THSD7B: variants seen among roughly 807,000 people sequenced by gnomAD.
The protein encoded by THSD7B is thrombospondin type 1 domain containing 7B.
In THSD7B, 138 loss-of-function variants were observed where a neutral mutation model predicts 213.6. The ratio of observed to expected loss-of-function variants is 0.65; its 90% CI spans 0.56 to 0.74. THSD7B has a LOEUF of 0.74. Ranked by LOEUF, THSD7B falls within the 30% of genes least tolerant of loss-of-function variation. The pLI is 0.00. For missense variants in THSD7B, 1,931 were observed against 1,991.5 expected (o/e 0.97, Z 0.58); for synonymous variants, 742 against 687.0 (o/e 1.08, Z -1.25).
rs536101233 is a variant in THSD7B, at chr2:137,418,079, G to C, written c.2959+6207G>C. ...TTCTATGTTTTCGTGTTGTGATTTTGCCTCTTTTGCTACTTTTGTTTGTTT... is the reference window on the plus strand; with the variant it reads ...TTCTATGTTTTCGTGTTGTGATTTTCCCTCTTTTGCTACTTTTGTTTGTTT... On this transcript the variant is annotated intron_variant, in intron 14 of 27. Coordinates refer to ENST00000409968, the MANE Select transcript of THSD7B (RefSeq NM_001316349.2). Among the ~76,000 whole-genome samples the C allele has an allele frequency of 8.5e-5, 13 of 152,268 alleles. 1 individual carries two copies. The highest frequency in any genetic ancestry group is 8.3e-4 in the South Asian group (4 of 4,824).
chr2:137,146,246 A>G (rs1173972865), intron 5 of THSD7B, among the ~76,000 whole-genome samples: 1 of 152,114 alleles, frequency 6.6e-6, no homozygotes, highest in Non-Finnish European at 1.5e-5. Context: ...TAAAAATATA[A>G]GCATATAGAT....
intron 14 of THSD7B, among the ~76,000 whole-genome samples, chr2:137,445,167 A>C (rs1257058184): frequency 6.6e-6 from 1 of 152,094 alleles, no homozygotes; most frequent in Non-Finnish European, 1.5e-5. Flanking sequence ...TAGGAATGCA[A>C]ATTAGTACAG....
chr2:137,411,093 C>T (rs1686641432), intron 13 of THSD7B, among the ~76,000 whole-genome samples: 1 of 152,234 alleles, frequency 6.6e-6, no homozygotes, highest in South Asian at 2.1e-4. Flanking sequence ...TCCAGTATGA[C>T]TTGATCATTT....
chr2:136,866,429 T>TA (rs1270630370), intron 1 of THSD7B, among the ~76,000 whole-genome samples: 5 of 152,144 alleles, frequency 3.3e-5, no homozygotes, highest in African/African-American at 1.2e-4. Context: ...TGAACTTTAA[T>TA]AAAAAATCAC....
intron 15 of THSD7B, 31 bp from the exon 16 acceptor site, chr2:137,563,190 C>T: frequency 1.2e-6 from 2 of 1,606,368 alleles, no homozygotes. Flanking sequence ...GATAGTTCCA[C>T]ATAATTTTGT....
chr2:137,289,707 T>G (rs1271779592), intron 12 of THSD7B, among the ~76,000 whole-genome samples: 1 of 151,850 alleles, frequency 6.6e-6, no homozygotes, highest in South Asian at 2.1e-4. Context: ...TTACAAAATA[T>G]TTGCCAAAGA....
chr2:137,200,412 TA>T (rs748372585), intron 7 of THSD7B, among the ~76,000 whole-genome samples: 2 of 143,184 alleles, frequency 1.4e-5, no homozygotes, highest in African/African-American at 2.5e-5. Flanking sequence ...TTCCCATTTT[TA>T]TTTCTTCTTG....
chr2:137,289,191 G>A lies in THSD7B; in HGVS notation c.2500+13165G>A, dbSNP rs144161797. Among the ~76,000 whole-genome samples the A allele has an allele frequency of 1.8e-3, 271 of 151,862 alleles. 3 individuals are homozygous for A. The highest frequency in any genetic ancestry group is 6.1e-3 in the African/African-American group (253 of 41,448). On this transcript the variant is annotated intron_variant, in intron 12 of 27. Coordinates refer to ENST00000409968, the MANE Select transcript of THSD7B (RefSeq NM_001316349.2). ...CATGTTTTTTTTAAAGTAAGTGAGTGGAAATTAGTGGAGAGATTCATTGTT... is the reference window on the plus strand; with the variant it reads ...CATGTTTTTTTTAAAGTAAGTGAGTAGAAATTAGTGGAGAGATTCATTGTT...
chr2:137,643,479 G>T (rs1682974779), intron 21 of THSD7B, among the ~76,000 whole-genome samples: 1 of 152,130 alleles, frequency 6.6e-6, no homozygotes, highest in Admixed American at 6.5e-5. Context: ...GGTCCCAGAG[G>T]AATAAAAATG....
chr2:136,782,525 G>C (rs544014369), intron 1 of THSD7B, among the ~76,000 whole-genome samples: 1 of 152,034 alleles, frequency 6.6e-6, no homozygotes, highest in Non-Finnish European at 1.5e-5. Flanking sequence ...TGTTCACCTG[G>C]TGCTTCTGCC....
intron 2 of THSD7B, among the ~76,000 whole-genome samples, chr2:136,900,166 G>A (rs908171062): frequency 1.3e-5 from 2 of 152,196 alleles, no homozygotes; most frequent in Non-Finnish European, 2.9e-5. Context: ...GCTGAGAATT[G>A]TGTATACCCT....
intron 9 of THSD7B, among the ~76,000 whole-genome samples, chr2:137,236,255 G>T: frequency 6.6e-6 from 1 of 152,170 alleles, no homozygotes; most frequent in Admixed American, 6.5e-5. Context: ...TCCATGGAAC[G>T]TGTGGTTCAA....
At chr2:137,181,171 G>A (rs1481720336) in intron 7 of THSD7B, among the ~76,000 whole-genome samples, 2 of 152,174 alleles carry the variant, frequency 1.3e-5, no homozygotes, top group African/African-American at 2.4e-5. Context: ...AGAATGGATT[G>A]GAAGGAGAGA....
chr2:137,663,285 A>G, intron 25 of THSD7B, 98 bp from the exon 26 acceptor site: 1 of 1,028,530 alleles, frequency 9.7e-7, no homozygotes, highest in South Asian at 3.1e-5. Flanking sequence ...CATTGCCATG[A>G]TGTATAGTGC....
chr2:137,103,502 C>T (rs576377664), intron 4 of THSD7B, among the ~76,000 whole-genome samples: 10 of 152,132 alleles, frequency 6.6e-5, no homozygotes, highest in Admixed American at 5.9e-4. Context: ...CAGCTAGCAT[C>T]ATAATGACAG....
intron 12 of THSD7B, among the ~76,000 whole-genome samples, chr2:137,326,665 A>G (rs1172107107): frequency 1.3e-5 from 2 of 152,188 alleles, no homozygotes; most frequent in African/African-American, 4.8e-5. Context: ...ATTCCAAAGT[A>G]TTGATTTCAT....
intron 10 of THSD7B, among the ~76,000 whole-genome samples, chr2:137,260,216 A>T (rs12619234): frequency 0.029 from 4,411 of 152,336 alleles, 116 homozygotes; most frequent in Middle Eastern, 0.095. Context: ...TTTATTAATA[A>T]TTTAAGAGAA....
At chr2:137,124,006 C>T (rs1250410499) in intron 5 of THSD7B, among the ~76,000 whole-genome samples, 1 of 152,166 alleles carries the variant, frequency 6.6e-6, no homozygotes, top group African/African-American at 2.4e-5. Context: ...TATAGTCTTA[C>T]CATTCAGTTT....
chr2:137,145,323 A>G (rs1295682827), intron 5 of THSD7B, among the ~76,000 whole-genome samples: 1 of 152,082 alleles, frequency 6.6e-6, no homozygotes, highest in African/African-American at 2.4e-5. Context: ...CTTTGTTCCC[A>G]GGATAAGAAT....
Sources: allele counts gnomAD v4.1 joint callset (sites outside exome capture counted in the v4.1 genomes callset), GRCh38; gene constraint gnomAD v4.1.1; transcripts MANE v1.5; gene names NCBI Gene and HGNC (gene_info 2026-07-23, HGNC 2026-07-21).